EPN2: variants seen among roughly 807,000 people sequenced by gnomAD.
EPN2 encodes the protein epsin-2.
Under a neutral mutation model 61.7 loss-of-function variants are expected in EPN2, and 34 were observed. The observed-to-expected ratio is 0.55, with a 90% confidence interval of 0.42 to 0.73. EPN2 has a LOEUF of 0.73. EPN2 is among the 30% of genes least tolerant of loss of function. The pLI, the probability that EPN2 is intolerant of heterozygous loss-of-function variation, is 0.00. For synonymous variants in EPN2, 349 were observed against 353.6 expected, an observed-to-expected ratio of 0.99 and a Z score of 0.15; for missense variants, 714 against 839.2, an observed-to-expected ratio of 0.85 and a Z score of 1.84.
In EPN2 at chr17:19,283,490, G is replaced by A. The variant is rs1317854201; in HGVS notation, c.371G>A (p.Arg124His). The A allele has an allele frequency of 1.9e-6, 3 of 1,614,234 alleles. No individual in the cohort carries two copies. Among genetic ancestry groups the A allele is most frequent in the Non-Finnish European group, 2.5e-6 (3 of 1,180,046 alleles). The change falls in exon 3 of 11, where the codon CGT becomes CAT. Residue 124 changes from arginine to histidine, a missense_variant. Transcript: ENST00000314728. This position sits in a 1 kb window ranked among gnomAD's most constrained non-coding sequence, Gnocchi z 7.0. The stretch of plus-strand genomic sequence containing the variant: ...GGCAAGGACCAGGGCATCAATGTGC[G>A]TGAGAAGTCAAAGCAACTGGTGGCT... ...RDGKDQGINV[R>H]EKSKQLVALL... is the part of the protein sequence containing the mutation.
At chr17:19,324,165 T>C (rs916214584) in intron 7 of EPN2, among the ~76,000 whole-genome samples, 3 of 152,184 alleles carry the variant, frequency 2.0e-5, no homozygotes, top group Non-Finnish European at 4.4e-5. Context: ...CTCAACAAAT[T>C]GCAAAAAATT....
chr17:19,328,935 C>A, intron 8 of EPN2, 48 bp downstream of exon 8: 1 of 1,541,116 alleles, frequency 6.5e-7, no homozygotes, highest in South Asian at 1.2e-5. Context: ...TGAGCGCCCA[C>A]GGGCCCTGCA....
chr17:19,286,480 A>T (rs1168909558), intron 4 of EPN2, among the ~76,000 whole-genome samples: 1 of 152,174 alleles, frequency 6.6e-6, no homozygotes, highest in East Asian at 1.9e-4. Flanking sequence ...GGTTAAACTG[A>T]AAACAGATTT....
At chr17:19,300,585 C>T (rs1430580253) in intron 4 of EPN2, among the ~76,000 whole-genome samples, 1 of 151,930 alleles carries the variant, frequency 6.6e-6, no homozygotes, top group Non-Finnish European at 1.5e-5. Context: ...CCTGTCACCA[C>T]GCCTGGCTAA....
Position 19,283,356 on chromosome 17 carries a change from C to T in EPN2, c.237C>T (p.Thr79=). The change falls in exon 3 of 11, where the codon ACC becomes ACT. Residue 79 remains threonine, a synonymous_variant. Transcript: ENST00000314728. The surrounding 1 kb of genome is among the most constrained non-coding windows in gnomAD (Gnocchi z 7.0). ...GGCGGCATGTGTACAAGGCGCTGACCCTGCTGGACTACCTCATCAAGACAG... is the reference window on the plus strand; with the variant it reads ...GGCGGCATGTGTACAAGGCGCTGACTCTGCTGGACTACCTCATCAAGACAG... ...KNWRHVYKAL[T]LLDYLIKTGS... is the part of the protein sequence containing the mutation. 1 of 1,614,092 alleles carries T rather than the reference C, an allele frequency of 6.2e-7. No individual in the cohort carries two copies. The highest frequency in any genetic ancestry group is 8.5e-7 in the Non-Finnish European group (1 of 1,179,954).
In EPN2 at chr17:19,285,934, T is replaced by G. The variant is rs1039161965; in HGVS notation, c.766+144T>G. The G allele has an allele frequency of 6.4e-6, 9 of 1,395,620 alleles. No homozygotes were observed. In the African/African-American group the frequency reaches 1.3e-4, roughly 21 times the overall value. The allele number at this position is 1,395,620 out of a possible 1,614,324, so 86.5% of individuals were successfully genotyped here. On this transcript the variant is annotated intron_variant, in intron 4 of 10. Coordinates refer to ENST00000314728, the MANE Select transcript of EPN2 (RefSeq NM_014964.5). This position sits in a 1 kb window ranked among gnomAD's most constrained non-coding sequence, Gnocchi z 4.5. ...CTCCAGCAGGCCCAGGAGCCCTTTC[T>G]TCCTCTCTCCTGGGAGCTTGTGGCC...
chr17:19,283,116 A>T lies in EPN2; in HGVS notation c.-4A>T, dbSNP rs557645336. The T allele has an allele frequency of 1.2e-6, 2 of 1,601,124 alleles. No homozygotes were observed. Among genetic ancestry groups the T allele is most frequent in the South Asian group, 2.2e-5 (2 of 89,764 alleles). The stretch of plus-strand genomic sequence containing the variant: ...GCTTTAAACTTATAACAAAGAAAAT[A>T]AAAATGACGACTTCGTCTATCAGAC... On this transcript the variant is annotated 5_prime_UTR_variant, in exon 3 of 11. Coordinates refer to ENST00000314728, the MANE Select transcript of EPN2 (RefSeq NM_014964.5). The surrounding 1 kb of genome is among the most constrained non-coding windows in gnomAD (Gnocchi z 7.0).
chr17:19,311,259 A>G (rs1412624893), intron 5 of EPN2, among the ~76,000 whole-genome samples: 2 of 152,212 alleles, frequency 1.3e-5, no homozygotes, highest in African/African-American at 2.4e-5. Flanking sequence ...CTTCATGGCC[A>G]GCAGCCCAGG....
At chr17:19,333,838 T>C in intron 10 of EPN2, 118 bp from the exon 11 acceptor site, 1 of 759,058 alleles carries the variant, frequency 1.3e-6, no homozygotes, top group Non-Finnish European at 2.0e-6. Context: ...CGGCCGGCAC[T>C]GTCACGGGCT....
chr17:19,301,519 C>T (rs1291628349), intron 4 of EPN2, among the ~76,000 whole-genome samples: 1 of 152,204 alleles, frequency 6.6e-6, no homozygotes, highest in African/African-American at 2.4e-5. Context: ...TTCTCATCCC[C>T]TTCATAGCTA....
chr17:19,288,216 C>A (rs947917415), intron 4 of EPN2, among the ~76,000 whole-genome samples: 16 of 152,200 alleles, frequency 1.1e-4, no homozygotes, highest in African/African-American at 3.1e-4. Flanking sequence ...CTGACGTCTG[C>A]CTGCAGGCAC....
intron 1 of EPN2, among the ~76,000 whole-genome samples, chr17:19,259,022 T>G (rs1198979395): frequency 6.6e-6 from 1 of 152,260 alleles, no homozygotes. Flanking sequence ...GAAGGAATCT[T>G]TTTTCCATTT....
In EPN2 at chr17:19,283,308, G is replaced by T. The variant is rs747434950; in HGVS notation, c.189G>T (p.Arg63=). ...AGATCATGAGCATGGTGTGGAAGCG[G>T]CTGAATGACCATGGCAAGAACTGGC... ...FSEIMSMVWK[R]LNDHGKNWRH... is the part of the protein sequence containing the mutation. The change falls in exon 3 of 11, where the codon CGG becomes CGT. Residue 63 remains arginine, a synonymous_variant. Coordinates refer to ENST00000314728, the MANE Select transcript of EPN2 (RefSeq NM_014964.5). The surrounding 1 kb of genome is among the most constrained non-coding windows in gnomAD (Gnocchi z 7.0). 5 of 1,614,014 alleles carry T rather than the reference G, an allele frequency of 3.1e-6. No homozygotes were observed. In the Admixed American group the frequency reaches 8.3e-5, roughly 27 times the overall value.
At chr17:19,259,091 GA>G (rs889240190) in intron 1 of EPN2, among the ~76,000 whole-genome samples, 37 of 152,160 alleles carry the variant, frequency 2.4e-4, no homozygotes, top group African/African-American at 8.4e-4. Flanking sequence ...TGCCTTCAAA[GA>G]AAAAAATTCA....
intron 1 of EPN2, among the ~76,000 whole-genome samples, chr17:19,267,880 C>G (rs955892648): frequency 6.6e-6 from 1 of 152,106 alleles, no homozygotes; most frequent in Non-Finnish European, 1.5e-5. Context: ...GGCTAATTCC[C>G]GGGACAGTGC....
At chr17:19,272,619 C>A (rs1597985452) in intron 1 of EPN2, among the ~76,000 whole-genome samples, 1 of 152,168 alleles carries the variant, frequency 6.6e-6, no homozygotes, top group African/African-American at 2.4e-5. Context: ...GCCCTGATCC[C>A]TGGATTCCCA....
intron 4 of EPN2, among the ~76,000 whole-genome samples, chr17:19,306,957 GTTA>G (rs1905874708): frequency 6.6e-6 from 1 of 152,156 alleles, no homozygotes; most frequent in South Asian, 2.1e-4. Context: ...GGCTGGAGTG[GTTA>G]ATGATTTGGG....
chr17:19,246,111 A>G (rs1210853305), intron 1 of EPN2, among the ~76,000 whole-genome samples: 1 of 152,126 alleles, frequency 6.6e-6, no homozygotes, highest in Non-Finnish European at 1.5e-5. Context: ...CTGTAATCCC[A>G]GCACTTTGGG....
intron 1 of EPN2, among the ~76,000 whole-genome samples, chr17:19,247,998 G>A (rs1014059100): frequency 3.9e-5 from 6 of 152,330 alleles, no homozygotes; most frequent in South Asian, 4.1e-4. Flanking sequence ...AATCAAGGGG[G>A]AGCCAGTAAT....
Sources: allele counts gnomAD v4.1 joint callset (sites outside exome capture counted in the v4.1 genomes callset), GRCh38; gene constraint gnomAD v4.1.1; non-coding constraint Gnocchi (gnomAD v3.1); transcripts MANE v1.5; gene names NCBI Gene and HGNC (gene_info 2026-07-23, HGNC 2026-07-21).